NUBPL: variants seen among roughly 807,000 people sequenced by gnomAD.
The protein encoded by NUBPL is iron-sulfur cluster transfer protein NUBPL.
NUBPL carries 31 observed loss-of-function variants against 45.7 expected under a neutral mutation model. The observed-to-expected ratio is 0.68, with a 90% CI of 0.51 to 0.92. The LOEUF is 0.92. Among genes scored for constraint, NUBPL ranks in the 40% least tolerant of loss-of-function variants. The pLI, the probability that NUBPL is intolerant of heterozygous loss-of-function variation, is 0.00. For missense variants in NUBPL, 401 were observed against 398.7 expected (o/e 1.01, Z -0.05); for synonymous variants, 144 against 140.9 (o/e 1.02, Z -0.15).
intron 4 of NUBPL, among the ~76,000 whole-genome samples, chr14:31,600,856 A>G (rs1032297185): frequency 6.6e-5 from 10 of 151,516 alleles, no homozygotes; most frequent in Non-Finnish European, 1.2e-4. Context: ...GGTAATGCCT[A>G]GGTTTTCTTC....
At chr14:31,812,122 G>C (rs1345264552) in intron 7 of NUBPL, among the ~76,000 whole-genome samples, 1 of 152,232 alleles carries the variant, frequency 6.6e-6, no homozygotes, top group East Asian at 1.9e-4. Context: ...GAGGTGGTCT[G>C]TCTGTTCTCA....
At chr14:31,722,460 A>G (rs1322083475) in intron 6 of NUBPL, among the ~76,000 whole-genome samples, 1 of 152,200 alleles carries the variant, frequency 6.6e-6, no homozygotes, top group East Asian at 1.9e-4. Context: ...TATACCCAGT[A>G]ATGGGATTGC....
chr14:31,635,869 A>C (rs1007229858), intron 4 of NUBPL, among the ~76,000 whole-genome samples: 26 of 152,246 alleles, frequency 1.7e-4, no homozygotes, highest in African/African-American at 6.3e-4. Context: ...ATGGGCGTTC[A>C]CTCATGATTT....
chr14:31,597,132 A>G (rs1354733982), intron 3 of NUBPL, among the ~76,000 whole-genome samples: 1 of 151,402 alleles, frequency 6.6e-6, no homozygotes, highest in Non-Finnish European at 1.5e-5. Flanking sequence ...TGATCTTTAT[A>G]TTTTCCTCCC....
At chr14:31,805,972 G>A (rs999215920) in intron 7 of NUBPL, among the ~76,000 whole-genome samples, 1 of 152,240 alleles carries the variant, frequency 6.6e-6, no homozygotes, top group Non-Finnish European at 1.5e-5. Context: ...ATTCCTTAAT[G>A]TCTTAAAGTT....
chr14:31,692,567 G>A (rs967016413), intron 6 of NUBPL, among the ~76,000 whole-genome samples: 5 of 152,290 alleles, frequency 3.3e-5, no homozygotes, highest in Non-Finnish European at 5.9e-5. Flanking sequence ...TTCTTCTCTA[G>A]GCTTCTGATA....
In NUBPL at chr14:31,710,238, A is replaced by G. The variant is rs529161413; in HGVS notation, c.513+36664A>G. ...TGATGCCTGAGTGTTTCCTATCTGA[A>G]TGACAAAACCGCCCGCAGATTTGGT... is the stretch of plus-strand genomic sequence containing the variant. On this transcript the variant is annotated intron_variant, in intron 6 of 10. Transcript: ENST00000281081. Among the ~76,000 whole-genome samples, 28 of 152,208 alleles carry G rather than the reference A, an allele frequency of 1.8e-4. No individual in the cohort carries two copies. The East Asian group carries it at 5.4e-3, about 29-fold the overall frequency.
At chr14:31,594,425 A>G (rs1185143582) in intron 3 of NUBPL, among the ~76,000 whole-genome samples, 1 of 152,180 alleles carries the variant, frequency 6.6e-6, no homozygotes, top group Non-Finnish European at 1.5e-5. Flanking sequence ...AACAACCAAA[A>G]AGAAATCTGC....
chr14:31,587,107 C>T (rs116159078), intron 3 of NUBPL, among the ~76,000 whole-genome samples: 202 of 152,220 alleles, frequency 1.3e-3, no homozygotes, highest in African/African-American at 4.7e-3. Flanking sequence ...CACCTAGGAG[C>T]TTGTTAAATA....
chr14:31,764,005 C>T (rs115969426), intron 6 of NUBPL, among the ~76,000 whole-genome samples: 2,891 of 152,172 alleles, frequency 0.019, 80 homozygotes, highest in African/African-American at 0.064. Flanking sequence ...ACATTTTTGT[C>T]ACGATAATCT....
rs10220408 is a variant in NUBPL, at chr14:31,791,595, G to C, written c.607+3722G>C. Among the ~76,000 whole-genome samples the C allele has an allele frequency of 1.9e-3, 284 of 152,262 alleles. 1 individual carries two copies. Among genetic ancestry groups the C allele is most frequent in the African/African-American group, 6.7e-3 (279 of 41,546 alleles). On this transcript the variant is annotated intron_variant, in intron 7 of 10. Coordinates refer to ENST00000281081, the MANE Select transcript of NUBPL (RefSeq NM_025152.3). ...CTCAGGTTAAAAGCCCCAGCTCTAA[G>C]AGATAGAGCATGGTGAGGAGCAGGA...
At chr14:31,814,172 T>A (rs2039870401) in intron 7 of NUBPL, among the ~76,000 whole-genome samples, 1 of 152,222 alleles carries the variant, frequency 6.6e-6, no homozygotes, top group African/African-American at 2.4e-5. Context: ...CATTCCTATT[T>A]CTCCACAACC....
At chr14:31,709,675 A>C (rs930237943) in intron 6 of NUBPL, among the ~76,000 whole-genome samples, 6 of 152,230 alleles carry the variant, frequency 3.9e-5, no homozygotes, top group African/African-American at 1.4e-4. Context: ...GATCATCTGA[A>C]AAATTCCCCA....
At chr14:31,798,893 GA>G (rs1444127008) in intron 7 of NUBPL, among the ~76,000 whole-genome samples, 7 of 151,482 alleles carry the variant, frequency 4.6e-5, no homozygotes, top group Non-Finnish European at 1.0e-4. Flanking sequence ...CTTACCTGTG[GA>G]AAACTTGCTT....
At chr14:31,838,381 G>A (rs2040318521) in intron 8 of NUBPL, among the ~76,000 whole-genome samples, 1 of 151,048 alleles carries the variant, frequency 6.6e-6, no homozygotes, top group South Asian at 2.1e-4. Flanking sequence ...GACCCAAAAG[G>A]AGAATGGATA....
rs567659330 is a variant in NUBPL at position 31,657,341 on chromosome 14, G to A, written c.383-16014G>A. 2.0e-5 allele frequency among the ~76,000 whole-genome samples: 3 copies of A among 152,224 alleles called. No individual in the cohort carries two copies. In the East Asian group the frequency reaches 5.8e-4, roughly 29 times the overall value. ...TCAAATCTCTAGTGTAACTAAATGG[G>A]TAATATAGTAAGGCTTTTATTATCT... On this transcript the variant is annotated intron_variant, in intron 4 of 10. Transcript: ENST00000281081.
At chr14:31,827,741 A>T (rs2040128882) in intron 8 of NUBPL, among the ~76,000 whole-genome samples, 1 of 152,142 alleles carries the variant, frequency 6.6e-6, no homozygotes, top group African/African-American at 2.4e-5. Context: ...GCCTACAAGT[A>T]TTTGTTTTGG....
intron 6 of NUBPL, among the ~76,000 whole-genome samples, chr14:31,748,244 C>T (rs2038443613): frequency 6.6e-6 from 1 of 152,116 alleles, no homozygotes; most frequent in Non-Finnish European, 1.5e-5. Flanking sequence ...GAGAATGGTC[C>T]ATGTGCTGAT....
intron 3 of NUBPL, among the ~76,000 whole-genome samples, chr14:31,593,457 TGA>T (rs1322236775): frequency 1.5e-5 from 2 of 131,332 alleles, no homozygotes; most frequent in Admixed American, 2.0e-4. Flanking sequence ...GAGCTTGCAG[TGA>T]GCTGAGATTG....
Sources: allele counts gnomAD v4.1 joint callset (sites outside exome capture counted in the v4.1 genomes callset), GRCh38; gene constraint gnomAD v4.1.1; transcripts MANE v1.5; gene names NCBI Gene and HGNC (gene_info 2026-07-23, HGNC 2026-07-21).